Variants in BICC1 observed in about 807,000 individuals in gnomAD.
BICC1 encodes the protein BicC family RNA binding protein 1.
BICC1 carries 43 observed loss-of-function variants against 111.0 expected under a neutral mutation model. The observed-to-expected ratio is 0.39, with a 90% confidence interval of 0.30 to 0.50. The LOEUF (loss-of-function observed/expected upper bound fraction) is 0.50. BICC1 is among the 20% of genes least tolerant of loss of function. The probability of loss-of-function intolerance (pLI) is 0.88; values close to 1 mark genes in which losing one functional copy is unlikely to be tolerated. For missense variants in BICC1, 1,091 were observed against 1,203.2 expected (o/e 0.91, Z 1.38); for synonymous variants, 467 against 434.4 (o/e 1.07, Z -0.93).
chr10:58,728,316 A>G (rs990802473), intron 3 of BICC1, among the ~76,000 whole-genome samples: 3 of 152,194 alleles, frequency 2.0e-5, no homozygotes, highest in South Asian at 4.1e-4. Context: ...CATTTCAACA[A>G]TCTTTGTAGC....
intron 12 of BICC1, among the ~76,000 whole-genome samples, chr10:58,799,873 CTATTTCTGGGAAAAAT>C (rs1162753243): frequency 6.6e-6 from 1 of 151,960 alleles, no homozygotes; most frequent in Non-Finnish European, 1.5e-5. Flanking sequence ...ATAGTTTTTT[CTATTTCTGGGAAAAAT>C]TATGTTTGTA....
chr10:58,564,142 G>T lies in BICC1; in HGVS notation c.190+50809G>T, dbSNP rs1368647880. Among the ~76,000 whole-genome samples the T allele has an allele frequency of 2.0e-5, 3 of 151,998 alleles. 1 individual carries two copies. Among genetic ancestry groups the T allele is most frequent in the African/African-American group, 4.8e-5 (2 of 41,382 alleles). On this transcript the variant is annotated intron_variant, in intron 1 of 20. Transcript: ENST00000373886. ...TTTACATACAACATAGTAATTTTGA[G>T]TATTGTTTTGGTCACTCTTCTTTTT...
intron 1 of BICC1, among the ~76,000 whole-genome samples, chr10:58,564,357 T>G (rs572925534): frequency 6.6e-6 from 1 of 152,190 alleles, no homozygotes; most frequent in East Asian, 1.9e-4. Context: ...GGGGCTGTCC[T>G]TGGCTTTACA....
chr10:58,594,872 A>T (rs1193633275), intron 1 of BICC1, among the ~76,000 whole-genome samples: 1 of 152,198 alleles, frequency 6.6e-6, no homozygotes, highest in African/African-American at 2.4e-5. Context: ...TTCACACATA[A>T]CAATATTAAC....
At chr10:58,659,543 G>A (rs370501424) in intron 2 of BICC1, among the ~76,000 whole-genome samples, 2 of 152,244 alleles carry the variant, frequency 1.3e-5, no homozygotes, top group East Asian at 1.9e-4. Flanking sequence ...GAGTACACAT[G>A]GATGCGGCCT....
intron 6 of BICC1, among the ~76,000 whole-genome samples, chr10:58,788,884 G>A (rs1274709705): frequency 2.0e-5 from 3 of 152,102 alleles, no homozygotes; most frequent in Non-Finnish European, 2.9e-5. Flanking sequence ...CCTGGAGTTC[G>A]TGACCAGCCT....
At chr10:58,524,742 AG>A (rs1842484313) in intron 1 of BICC1, among the ~76,000 whole-genome samples, 1 of 152,160 alleles carries the variant, frequency 6.6e-6, no homozygotes. Flanking sequence ...GCTTCTGCAC[AG>A]CAAAAGAAAC....
intron 3 of BICC1, among the ~76,000 whole-genome samples, chr10:58,732,415 ATATATATATATATATATATATATATAC>A (rs1841342595): frequency 8.0e-5 from 3 of 37,474 alleles, no homozygotes; most frequent in East Asian, 2.2e-3. Context: ...ATATATATAT[ATATATATATATATATATATATATATAC>A]TGGTCAGTGG....
At chr10:58,676,642 G>A (rs891580436) in intron 2 of BICC1, among the ~76,000 whole-genome samples, 1 of 152,210 alleles carries the variant, frequency 6.6e-6, no homozygotes, top group African/African-American at 2.4e-5. Context: ...AAATGTTCCT[G>A]CCTGCTGGCT....
chr10:58,665,276 T>G (rs1240146402), intron 2 of BICC1, among the ~76,000 whole-genome samples: 3 of 152,140 alleles, frequency 2.0e-5, no homozygotes, highest in Non-Finnish European at 4.4e-5. Flanking sequence ...TTTAATAGTA[T>G]CTTGTTCCCT....
intron 1 of BICC1, among the ~76,000 whole-genome samples, chr10:58,579,466 C>T (rs1179958521): frequency 6.6e-6 from 1 of 152,154 alleles, no homozygotes; most frequent in Non-Finnish European, 1.5e-5. Flanking sequence ...AACACCACAG[C>T]GTTAACAATC....
At position 58,527,621 on chromosome 10, in the gene BICC1, G is replaced by A. The variant is rs141590642; in HGVS notation, c.190+14288G>A. 3.9e-4 allele frequency among the ~76,000 whole-genome samples: 60 copies of A among 151,962 alleles called. 1 individual carries two copies. In the East Asian group the frequency reaches 0.011, roughly 27 times the overall value. ...TGTATAAGGTGTAAGGAAGGGATCC[G>A]GTTTCAGCTTTCTACATACGGCTAG... On this transcript the variant is annotated intron_variant, in intron 1 of 20. Coordinates refer to ENST00000373886, the MANE Select transcript of BICC1 (RefSeq NM_001080512.3).
intron 2 of BICC1, among the ~76,000 whole-genome samples, chr10:58,659,634 A>T (rs1204937845): frequency 6.6e-6 from 1 of 152,084 alleles, no homozygotes; most frequent in Non-Finnish European, 1.5e-5. Flanking sequence ...TGGGTGGTGA[A>T]CTTACTGGTA....
chr10:58,589,864 G>A (rs1844550340), intron 1 of BICC1, among the ~76,000 whole-genome samples: 1 of 152,076 alleles, frequency 6.6e-6, no homozygotes. Flanking sequence ...GCTATTCATA[G>A]GCATGGTCAT....
At chr10:58,752,274 C>T (rs939824351) in intron 3 of BICC1, among the ~76,000 whole-genome samples, 2 of 152,108 alleles carry the variant, frequency 1.3e-5, no homozygotes, top group African/African-American at 4.8e-5. Flanking sequence ...TTGTCATCAG[C>T]GCGTATTGAT....
At chr10:58,661,060 TTTTCATTTCCTCTGTGG>T (rs1486791399) in intron 2 of BICC1, among the ~76,000 whole-genome samples, 2 of 152,156 alleles carry the variant, frequency 1.3e-5, no homozygotes, top group African/African-American at 4.8e-5. Flanking sequence ...TATTCGAATG[TTTTCATTTCCTCTGTGG>T]TTTTAGGGCA....
intron 2 of BICC1, 103 bp from the exon 3 acceptor site, chr10:58,701,971 A>G (rs1005019127): frequency 7.4e-6 from 6 of 807,898 alleles, no homozygotes; most frequent in African/African-American, 7.0e-5. Flanking sequence ...TTGTATGAAC[A>G]TGAACTTAGG....
intron 1 of BICC1, among the ~76,000 whole-genome samples, chr10:58,593,065 A>G (rs550176614): frequency 6.6e-6 from 1 of 151,934 alleles, no homozygotes; most frequent in South Asian, 2.1e-4. Flanking sequence ...GTCCTCAGCA[A>G]TGGTCCACCA....
chr10:58,822,624 CTTGA>C (rs1211210994), intron 20 of BICC1, among the ~76,000 whole-genome samples: 1 of 152,090 alleles, frequency 6.6e-6, no homozygotes, highest in East Asian at 1.9e-4. Flanking sequence ...GCATAAAGGA[CTTGA>C]TTATTTTAAG....
Sources: gnomAD v4.1 joint callset for allele counts (sites outside exome capture counted in the v4.1 genomes callset) on GRCh38, gnomAD v4.1.1 for gene constraint, MANE v1.5 for transcripts, NCBI Gene and HGNC (gene_info 2026-07-23, HGNC 2026-07-21) for gene names.